TMEM74: variants seen among roughly 807,000 people sequenced by gnomAD.
TMEM74 encodes the protein transmembrane protein 74.
A neutral mutation model predicts 18.1 loss-of-function variants in TMEM74; 13 were observed. The ratio of observed to expected loss-of-function variants is 0.72; its 90% CI spans 0.47 to 1.14. The LOEUF is 1.14. Ranked by LOEUF, TMEM74 falls within the 50% of genes most tolerant of loss-of-function variation. TMEM74 has a pLI of 0.00. For synonymous variants in TMEM74, 159 were observed against 146.6 expected, an observed-to-expected ratio of 1.08 and a Z score of -0.61; for missense variants, 372 against 375.9, an observed-to-expected ratio of 0.99 and a Z score of 0.09.
At chr8:108,751,981 A>G (rs1325971163) in intron 1 of TMEM74, among the ~76,000 whole-genome samples, 2 of 152,138 alleles carry the variant, frequency 1.3e-5, no homozygotes, top group Non-Finnish European at 2.9e-5. Context: ...AGGAAGCTGC[A>G]TGGATGCTGG....
At chr8:108,771,510 T>C (rs959796617) in intron 1 of TMEM74, among the ~76,000 whole-genome samples, 3 of 152,200 alleles carry the variant, frequency 2.0e-5, no homozygotes, top group Non-Finnish European at 2.9e-5. Flanking sequence ...TGTTTCTGTC[T>C]GGTCTTATGT....
chr8:108,740,711 T>C (rs1303939200), intron 1 of TMEM74, among the ~76,000 whole-genome samples: 1 of 152,202 alleles, frequency 6.6e-6, no homozygotes, highest in Non-Finnish European at 1.5e-5. Context: ...CTGATCTTGC[T>C]GTACAGATCA....
intron 1 of TMEM74, among the ~76,000 whole-genome samples, chr8:108,660,888 G>T (rs561897942): frequency 6.6e-6 from 1 of 152,168 alleles, no homozygotes; most frequent in South Asian, 2.1e-4. Flanking sequence ...TTACCATCAT[G>T]TTATGTATAT....
chr8:108,692,896 A>G (rs542110503), intron 1 of TMEM74, among the ~76,000 whole-genome samples: 1 of 152,284 alleles, frequency 6.6e-6, no homozygotes, highest in South Asian at 2.1e-4. Context: ...ACAGTGGGAA[A>G]ATACCTGTGA....
chr8:108,628,017 C>A (rs961532059), intron 2 of TMEM74, among the ~76,000 whole-genome samples: 3 of 151,938 alleles, frequency 2.0e-5, no homozygotes, highest in Non-Finnish European at 2.9e-5. Flanking sequence ...GAAGTGGTGC[C>A]ACTGCATTCC....
At chr8:108,623,209 T>C (rs1040157153) in intron 2 of TMEM74, among the ~76,000 whole-genome samples, 19 of 152,294 alleles carry the variant, frequency 1.2e-4, no homozygotes, top group Admixed American at 1.2e-3. Flanking sequence ...GGATATGTGC[T>C]CATTTATAGA....
intron 1 of TMEM74, among the ~76,000 whole-genome samples, chr8:108,772,152 T>G (rs983389075): frequency 9.2e-5 from 14 of 151,726 alleles, no homozygotes; most frequent in Admixed American, 7.9e-4. Flanking sequence ...AGACATACCT[T>G]AGCATTTGGC....
intron 2 of TMEM74, among the ~76,000 whole-genome samples, chr8:108,641,732 C>T (rs1437990585): frequency 6.6e-6 from 1 of 152,070 alleles, no homozygotes; most frequent in Admixed American, 6.6e-5. Flanking sequence ...CAAGTAACAA[C>T]TAAATCTATT....
intron 1 of TMEM74, among the ~76,000 whole-genome samples, chr8:108,763,796 C>G (rs1814071449): frequency 6.6e-6 from 1 of 152,124 alleles, no homozygotes; most frequent in African/African-American, 2.4e-5. Flanking sequence ...AGAGTTATTC[C>G]TCAGCCTGGT....
intron 1 of TMEM74, among the ~76,000 whole-genome samples, chr8:108,750,637 A>G (rs1813895990): frequency 6.6e-6 from 1 of 152,092 alleles, no homozygotes; most frequent in South Asian, 2.1e-4. Flanking sequence ...GGGCATACAC[A>G]TTAAGAGACA....
In TMEM74 at chr8:108,753,037, T is replaced by C. The variant is rs143241485; in HGVS notation, n.119+34439A>G. On this transcript the variant is annotated intron_variant and non_coding_transcript_variant, in intron 1 of 3. Coordinates refer to the TMEM74 transcript ENST00000518838. The stretch of plus-strand genomic sequence containing the variant: ...ACATCCTTCTCTCTTCAATTCCTCA[T>C]ATATTTCAGTTTGTGTTCATTTTTC... 2.1e-3 allele frequency among the ~76,000 whole-genome samples: 325 copies of C among 152,218 alleles called. 1 individual carries two copies. Among genetic ancestry groups the C allele is most frequent in the African/African-American group, 7.3e-3 (304 of 41,574 alleles).
chr8:108,704,744 A>G (rs1374474179), intron 1 of TMEM74, among the ~76,000 whole-genome samples: 1 of 152,242 alleles, frequency 6.6e-6, no homozygotes, highest in Non-Finnish European at 1.5e-5. Context: ...AGGAACTGTC[A>G]GAACATAGAT....
intron 2 of TMEM74, among the ~76,000 whole-genome samples, chr8:108,634,234 C>T (rs529106637): frequency 6.6e-6 from 1 of 152,042 alleles, no homozygotes; most frequent in African/African-American, 2.4e-5. Flanking sequence ...AAAAAACTCT[C>T]CTCCCCACCT....
intron 2 of TMEM74, among the ~76,000 whole-genome samples, chr8:108,643,855 A>G (rs1247753855): frequency 3.9e-5 from 6 of 152,288 alleles, no homozygotes; most frequent in East Asian, 3.9e-4. Context: ...CAGAGATGAC[A>G]TAAACAACTG....
chr8:108,640,329 G>T (rs943447567), intron 2 of TMEM74, among the ~76,000 whole-genome samples: 1 of 151,692 alleles, frequency 6.6e-6, no homozygotes, highest in Non-Finnish European at 1.5e-5. Context: ...GGCCAGGCTG[G>T]TCTTGAACTC....
chr8:108,717,241 TA>T (rs1363792938), intron 1 of TMEM74, among the ~76,000 whole-genome samples: 1 of 152,060 alleles, frequency 6.6e-6, no homozygotes, highest in East Asian at 1.9e-4. Flanking sequence ...AAAATCAAAT[TA>T]AAAATTTAAC....
At chr8:108,709,820 C>T (rs1342157644) in intron 1 of TMEM74, among the ~76,000 whole-genome samples, 1 of 152,056 alleles carries the variant, frequency 6.6e-6, no homozygotes, top group African/African-American at 2.4e-5. Flanking sequence ...TTGGATTGTC[C>T]AAACTCTTCA....
intron 2 of TMEM74, among the ~76,000 whole-genome samples, chr8:108,635,314 C>T (rs1586242024): frequency 6.6e-6 from 1 of 151,844 alleles, no homozygotes; most frequent in Non-Finnish European, 1.5e-5. Flanking sequence ...GGCTTTCCAC[C>T]AGAGAGACTG....
intron 1 of TMEM74, among the ~76,000 whole-genome samples, chr8:108,713,565 G>A (rs2173255): frequency 0.39 from 58,652 of 151,948 alleles, 11,725 homozygotes; most frequent in East Asian, 0.6. Flanking sequence ...AAAGGAGATA[G>A]GCACTTAATA....
Sources: allele counts gnomAD v4.1 joint callset (sites outside exome capture counted in the v4.1 genomes callset), GRCh38; gene constraint gnomAD v4.1.1; transcripts MANE v1.5; gene names NCBI Gene and HGNC (gene_info 2026-07-23, HGNC 2026-07-21).